Variants in MMP24OS observed in about 807,000 individuals in gnomAD.
MMP24OS encodes the protein protein MMP24OS.
chr20:35,277,854 C>CAGGCTGGGGCTG lies in MMP24OS; in HGVS notation c.64_75dup (p.Gln22_Pro25dup). On this transcript the variant is annotated inframe_insertion, in exon 2 of 2. Coordinates refer to ENST00000456790, the MANE Select transcript of MMP24OS (RefSeq NM_001355003.2). Reference sequence around the variant, plus strand: ...GGCTGTTCCGGGCCCTCCGGCGCCGCAGGCTGGGGCTGGGGCTGGGGCTGG... The same window carrying CAGGCTGGGGCTG: ...GGCTGTTCCGGGCCCTCCGGCGCCGCAGGCTGGGGCTGAGGCTGGGGCTGGGGCTGGGGCTGG... 2.6e-6 allele frequency: 1 copy of CAGGCTGGGGCTG among 389,054 alleles called. No homozygotes were observed. Among genetic ancestry groups the CAGGCTGGGGCTG allele is most frequent in the Non-Finnish European group, 4.5e-6 (1 of 223,586 alleles). The allele number at this position is 389,054 out of a possible 1,614,324, so 24.1% of individuals were successfully genotyped here.
At position 35,276,921 on chromosome 20, in the gene MMP24OS, A is replaced by C. The variant is rs2060712317; in HGVS notation, c.*793T>G. The C allele has an allele frequency of 6.5e-6, 1 of 152,784 alleles. No homozygotes were observed. Among genetic ancestry groups the C allele is most frequent in the Non-Finnish European group, 1.5e-5 (1 of 68,118 alleles). 9.5% of individuals were successfully genotyped at this position (152,784 alleles called of 1,614,324 possible). A position where few individuals can be genotyped will look rare whatever the true frequency, so the allele number is the denominator to read the frequency against. ...AGCCTGGGGGACATCACAGCATTTCAGTGTCAGTCACATTTTAAACTGATC... is the reference window on the plus strand; with the variant it reads ...AGCCTGGGGGACATCACAGCATTTCCGTGTCAGTCACATTTTAAACTGATC... On this transcript the variant is annotated 3_prime_UTR_variant, in exon 2 of 2. Transcript: ENST00000456790.
Position 35,277,863 on chromosome 20 carries a change from G to C in MMP24OS, c.67C>G (p.Pro23Ala). 2.5e-6 allele frequency: 1 copy of C among 395,970 alleles called. No individual in the cohort carries two copies. The highest frequency in any genetic ancestry group is 3.6e-5 in the East Asian group (1 of 28,010). 24.5% of individuals were successfully genotyped at this position (395,970 alleles called of 1,614,324 possible). ...EPAQTQPQPQ[P>A]QPAAPEGPEQ... ...GGGCCCTCCGGCGCCGCAGGCTGGGGCTGGGGCTGGGGCTGGGTTTGCGCA... is the reference window on the plus strand; with the variant it reads ...GGGCCCTCCGGCGCCGCAGGCTGGGCCTGGGGCTGGGGCTGGGTTTGCGCA... The change falls in exon 2 of 2, where the codon CCC (proline) becomes GCC (alanine). Residue 23 changes from proline to alanine, a missense_variant. Transcript: ENST00000456790.
rs2146255798 is a variant in MMP24OS at position 35,278,074 on chromosome 20, A to G, written c.-69T>C. The G allele has an allele frequency of 2.6e-6, 1 of 388,774 alleles. No individual in the cohort carries two copies. Among genetic ancestry groups the G allele is most frequent in the Non-Finnish European group, 4.5e-6 (1 of 220,246 alleles). The allele number at this position is 388,774 out of a possible 1,614,324, so 24.1% of individuals were successfully genotyped here. ...GGCGTCGGGAGGAGCTGGCGCCGTGACGCCACCACCGCGTACCGACCTCAC... is the reference window on the plus strand; with the variant it reads ...GGCGTCGGGAGGAGCTGGCGCCGTGGCGCCACCACCGCGTACCGACCTCAC... On this transcript the variant is annotated 5_prime_UTR_variant, in exon 1 of 2. Transcript: ENST00000456790.
chr20:35,277,640 G>A lies in MMP24OS; in HGVS notation c.*74C>T. 1 of 394,586 alleles carries A rather than the reference G, an allele frequency of 2.5e-6. No homozygotes were observed. The highest frequency in any genetic ancestry group is 4.5e-6 in the Non-Finnish European group (1 of 223,370). The allele number at this position is 394,586 out of a possible 1,614,324, so 24.4% of individuals were successfully genotyped here. On this transcript the variant is annotated 3_prime_UTR_variant, in exon 2 of 2. Transcript: ENST00000456790. ...GGGGGTGTAAGAGACGCAGGGACGT[G>A]GGGAGAGGAGACAAGGCAGGCAAGA...
Position 35,277,830 on chromosome 20 carries a change from G to A in MMP24OS, c.100C>T (p.Pro34Ser), listed in dbSNP as rs1372290821. 3 of 393,100 alleles carry A rather than the reference G, an allele frequency of 7.6e-6. No homozygotes were observed. Among genetic ancestry groups the A allele is most frequent in the African/African-American group, 4.2e-5 (2 of 47,878 alleles). 24.4% of individuals were successfully genotyped at this position (393,100 alleles called of 1,614,324 possible). Residue 34 changes from proline (P) to serine (S), a missense_variant, in exon 2 of 2, where the codon CCC becomes TCC. Pro to Ser is a moderately conservative substitution (Grantham distance 74). Coordinates refer to ENST00000456790, the MANE Select transcript of MMP24OS (RefSeq NM_001355003.2). Reference sequence around the variant, plus strand: ...GGCTGGGGCTGGGGCGGATGCCGGGGCTGTTCCGGGCCCTCCGGCGCCGCA... The same window carrying A: ...GGCTGGGGCTGGGGCGGATGCCGGGACTGTTCCGGGCCCTCCGGCGCCGCA... Reference protein sequence around the residue: ...QPAAPEGPEQPRHPPQPQPQP... With the variant: ...QPAAPEGPEQSRHPPQPQPQP...
Position 35,278,119 on chromosome 20 carries a change from AAAG to A in MMP24OS, c.-117_-115del, listed in dbSNP as rs1383162756. On this transcript the variant is annotated 5_prime_UTR_variant, in exon 1 of 2. Coordinates refer to ENST00000456790, the MANE Select transcript of MMP24OS (RefSeq NM_001355003.2). ...CCTCACCCTCCGTGCGTTGGAGCGG[AAAG>A]AAGGGACTCGACCCTGTGCTTCGGG... is the stretch of plus-strand genomic sequence containing the variant. The A allele has an allele frequency of 5.4e-5, 21 of 386,446 alleles. No homozygotes were observed. The highest frequency in any genetic ancestry group is 7.4e-5 in the East Asian group (2 of 27,130). The allele number at this position is 386,446 out of a possible 1,614,324, so 23.9% of individuals were successfully genotyped here.
In MMP24OS at chr20:35,277,373, C is replaced by T. The variant is rs2060717237; in HGVS notation, c.*341G>A. The T allele has an allele frequency of 3.4e-6, 1 of 297,696 alleles. No homozygotes were observed. The highest frequency in any genetic ancestry group is 2.2e-5 in the African/African-American group (1 of 45,894). The allele number at this position is 297,696 out of a possible 1,614,324, so 18.4% of individuals were successfully genotyped here. On this transcript the variant is annotated 3_prime_UTR_variant, in exon 2 of 2. Transcript: ENST00000456790. ...AAGGCAGACGAAGTCAGGAGGTCAG[C>T]AACTTTGCGGGCTTACCAGGAGGCC...
Position 35,276,637 on chromosome 20 carries a change from C to G in MMP24OS, c.*1077G>C, listed in dbSNP as rs542089549. On this transcript the variant is annotated 3_prime_UTR_variant, in exon 2 of 2. Transcript: ENST00000456790. ...TCCACTCCTCAGGTTGGTGCTCTCA[C>G]TTCTTGAAAGCTCTAGGCACCCCCG... 1 of 208,694 alleles carries G rather than the reference C, an allele frequency of 4.8e-6. No individual in the cohort carries two copies. Among genetic ancestry groups the G allele is most frequent in the Admixed American group, 5.9e-5 (1 of 16,830 alleles). The allele number at this position is 208,694 out of a possible 1,614,324, so 12.9% of individuals were successfully genotyped here.
chr20:35,278,000 TGCC>T lies in MMP24OS; in HGVS notation c.-4+6_-4+8del. 1 of 391,742 alleles carries T rather than the reference TGCC, an allele frequency of 2.6e-6. No individual in the cohort carries two copies. Among genetic ancestry groups the T allele is most frequent in the Non-Finnish European group, 4.5e-6 (1 of 221,812 alleles). 24.3% of individuals were successfully genotyped at this position (391,742 alleles called of 1,614,324 possible). On this transcript the variant is annotated splice_donor_region_variant and intron_variant, in intron 1 of 1. Transcript: ENST00000456790. The stretch of plus-strand genomic sequence containing the variant: ...CCCCGCTAGGGCCCCGCCCCGGCTC[TGCC>T]CTCACCTCTCGCAGCCAGACCCGCG...
At position 35,277,855 on chromosome 20, in the gene MMP24OS, AGGCTGGGGCTGG is replaced by A. The variant is rs528188223; in HGVS notation, c.63_74del (p.Gln22_Pro25del). 1,288 of 259,728 alleles carry A rather than the reference AGGCTGGGGCTGG, an allele frequency of 5.0e-3. 8 individuals carry two copies. Among genetic ancestry groups the A allele is most frequent in the African/African-American group, 0.032 (1,131 of 35,312 alleles). The allele number at this position is 259,728 out of a possible 1,614,324, so 16.1% of individuals were successfully genotyped here. ...GCTGTTCCGGGCCCTCCGGCGCCGC[AGGCTGGGGCTGG>A]GGCTGGGGCTGGGTTTGCGCAGGCT... On this transcript the variant is annotated inframe_deletion, in exon 2 of 2. Coordinates refer to ENST00000456790, the MANE Select transcript of MMP24OS (RefSeq NM_001355003.2).
In MMP24OS at chr20:35,278,101, C is replaced by A; in HGVS notation, c.-96G>T. On this transcript the variant is annotated 5_prime_UTR_variant, in exon 1 of 2. In the 5' UTR this introduces an upstream ATG that the reference lacks. Transcript: ENST00000456790. Reference sequence around the variant, plus strand: ...GCCACCACCGCGTACCGACCTCACCCTCCGTGCGTTGGAGCGGAAAGAAGG... The same window carrying A: ...GCCACCACCGCGTACCGACCTCACCATCCGTGCGTTGGAGCGGAAAGAAGG... 2 of 388,610 alleles carry A rather than the reference C, an allele frequency of 5.1e-6. No homozygotes were observed. The highest frequency in any genetic ancestry group is 9.1e-6 in the Non-Finnish European group (2 of 220,074). The allele number at this position is 388,610 out of a possible 1,614,324, so 24.1% of individuals were successfully genotyped here. A position where few individuals can be genotyped will look rare whatever the true frequency, so the allele number is the denominator to read the frequency against.
chr20:35,277,671 A>AG lies in MMP24OS; in HGVS notation c.*42dup, dbSNP rs201230366. ...AGGAGACAAGGCAGGCAAGAACCAC[A>AG]GGGGACGGCGGACAGACGGGCGACA... On this transcript the variant is annotated 3_prime_UTR_variant, in exon 2 of 2. Coordinates refer to ENST00000456790, the MANE Select transcript of MMP24OS (RefSeq NM_001355003.2). 2,581 of 394,688 alleles carry AG rather than the reference A, an allele frequency of 6.5e-3. 39 individuals carry two copies. The highest frequency in any genetic ancestry group is 0.046 in the African/African-American group (2,252 of 48,458). The allele number at this position is 394,688 out of a possible 1,614,324, so 24.4% of individuals were successfully genotyped here. A position where few individuals can be genotyped will look rare whatever the true frequency, so the allele number is the denominator to read the frequency against.
rs1170998295 is a variant in MMP24OS at position 35,276,993 on chromosome 20, TAC to T, written c.*719_*720del. ...AAATCATTTCTAAATAAAACAGAAA[TAC>T]AGAGTGTGTCATTTCCCTGGGATGA... On this transcript the variant is annotated 3_prime_UTR_variant, in exon 2 of 2. Transcript: ENST00000456790. The T allele has an allele frequency of 2.6e-5, 4 of 152,792 alleles. No homozygotes were observed. The highest frequency in any genetic ancestry group is 7.2e-5 in the African/African-American group (3 of 41,586). The allele number at this position is 152,792 out of a possible 1,614,324, so 9.5% of individuals were successfully genotyped here. A position where few individuals can be genotyped will look rare whatever the true frequency, so the allele number is the denominator to read the frequency against.
rs1192633346 is a variant in MMP24OS, at chr20:35,277,820, G to GGATGCC, written c.104_109dup (p.Arg35_His36dup). Reference sequence around the variant, plus strand: ...CTGGGGCTGGGGCTGGGGCTGGGGCGGATGCCGGGGCTGTTCCGGGCCCTC... The same window carrying GGATGCC: ...CTGGGGCTGGGGCTGGGGCTGGGGCGGATGCCGATGCCGGGGCTGTTCCGGGCCCTC... On this transcript the variant is annotated inframe_insertion, in exon 2 of 2. Coordinates refer to ENST00000456790, the MANE Select transcript of MMP24OS (RefSeq NM_001355003.2). 6 of 376,074 alleles carry GGATGCC rather than the reference G, an allele frequency of 1.6e-5. No homozygotes were observed. 23.3% of individuals were successfully genotyped at this position (376,074 alleles called of 1,614,324 possible).
chr20:35,277,932 T>C lies in MMP24OS; in HGVS notation c.-3A>G. On this transcript the variant is annotated splice_region_variant and 5_prime_UTR_variant, in exon 2 of 2. Coordinates refer to ENST00000456790, the MANE Select transcript of MMP24OS (RefSeq NM_001355003.2). ...CCGCCGCTTAGCTGAGCCCCCATGG[T>C]CTGCAAGAAGAGAAGCCCTTTAAGG... 1 of 397,412 alleles carries C rather than the reference T, an allele frequency of 2.5e-6. No homozygotes were observed. 24.6% of individuals were successfully genotyped at this position (397,412 alleles called of 1,614,324 possible).
In MMP24OS at chr20:35,277,864, C is replaced by T; in HGVS notation, c.66G>A (p.Gln22=). The part of the protein sequence containing the change: ...PEPAQTQPQP[Q]PQPAAPEGPE... ...GGCCCTCCGGCGCCGCAGGCTGGGG[C>T]TGGGGCTGGGGCTGGGTTTGCGCAG... Residue 22 remains glutamine, a synonymous_variant, in exon 2 of 2, where the codon CAG becomes CAA. Coordinates refer to ENST00000456790, the MANE Select transcript of MMP24OS (RefSeq NM_001355003.2). 1 of 393,582 alleles carries T rather than the reference C, an allele frequency of 2.5e-6. No individual in the cohort carries two copies. The highest frequency in any genetic ancestry group is 3.6e-5 in the East Asian group (1 of 27,926). The allele number at this position is 393,582 out of a possible 1,614,324, so 24.4% of individuals were successfully genotyped here.
chr20:35,277,566 C>A lies in MMP24OS; in HGVS notation c.*148G>T. ...CCTGCCGGGACTTCTTTCCAGTCCC[C>A]GGCGACCTCTTCGAATTCTCTGCTA... On this transcript the variant is annotated 3_prime_UTR_variant, in exon 2 of 2. Transcript: ENST00000456790. 2.6e-6 allele frequency: 1 copy of A among 391,360 alleles called. No individual in the cohort carries two copies. The highest frequency in any genetic ancestry group is 3.6e-5 in the East Asian group (1 of 27,564). 24.2% of individuals were successfully genotyped at this position (391,360 alleles called of 1,614,324 possible).
rs1180891502 is a variant in MMP24OS at position 35,277,779 on chromosome 20, C to CGGGCTGGGGCTGGGGCTG, written c.133_150dup (p.Gln45_Pro50dup). The CGGGCTGGGGCTGGGGCTG allele has an allele frequency of 6.3e-3, 1,095 of 172,512 alleles. 4 individuals are homozygous for CGGGCTGGGGCTGGGGCTG. The highest frequency in any genetic ancestry group is 7.4e-3 in the Non-Finnish European group (720 of 97,228). 10.7% of individuals were successfully genotyped at this position (172,512 alleles called of 1,614,324 possible). On this transcript the variant is annotated inframe_insertion, in exon 2 of 2. Transcript: ENST00000456790. Reference sequence around the variant, plus strand: ...TCCAGCGGCCCCCACGGGCTGGGCTCGGGCTGGGGCTGGGGCTGGGGCTGG... The same window carrying CGGGCTGGGGCTGGGGCTG: ...TCCAGCGGCCCCCACGGGCTGGGCTCGGGCTGGGGCTGGGGCTGGGGCTGGGGCTGGGGCTGGGGCTGG...
Position 35,276,390 on chromosome 20 carries a change from T to G in MMP24OS, c.*1324A>C, listed in dbSNP as rs908620266. The G allele has an allele frequency of 1.0e-5, 4 of 398,426 alleles. No homozygotes were observed. Among genetic ancestry groups the G allele is most frequent in the Non-Finnish European group, 1.8e-5 (4 of 226,036 alleles). 24.7% of individuals were successfully genotyped at this position (398,426 alleles called of 1,614,324 possible). On this transcript the variant is annotated 3_prime_UTR_variant, in exon 2 of 2. Coordinates refer to ENST00000456790, the MANE Select transcript of MMP24OS (RefSeq NM_001355003.2). ...AAAGCACTTTATTAGCTCACACCTG[T>G]CCACTCACATGAAACTCGTGTTAGG...
Sources: allele counts gnomAD v4.1 joint callset, GRCh38; gene constraint gnomAD v4.1.1; transcripts MANE v1.5; gene names NCBI Gene and HGNC (gene_info 2026-07-23, HGNC 2026-07-21).